Variants in NUP62CL observed in about 807,000 individuals in gnomAD.
NUP62CL encodes nucleoporin 62 C-terminal like.
NUP62CL carries 13 observed loss-of-function variants against 15.3 expected under a neutral mutation model. That is an observed-to-expected ratio of 0.85 (90% CI 0.55 to 1.35). NUP62CL has a LOEUF of 1.35. Ranked by LOEUF, NUP62CL falls within the 40% of genes most tolerant of loss-of-function variation. The pLI, the probability that NUP62CL is intolerant of heterozygous loss-of-function variation, is 0.00. For synonymous variants in NUP62CL, 54 were observed against 49.2 expected (o/e 1.10, Z -0.41); for missense variants, 123 against 130.6 (o/e 0.94, Z 0.28).
At chrX:107,189,897 G>GAA (rs1327773409) in intron 2 of NUP62CL, among the ~76,000 whole-genome samples, 5 of 95,274 alleles carry the variant, frequency 5.2e-5, no homozygotes, top group Non-Finnish European at 1.0e-4. Flanking sequence ...AAGAAAGAAA[G>GAA]AAAGAAAGAA....
chrX:107,136,743 A>G (rs1476524914), intron 8 of NUP62CL, among the ~76,000 whole-genome samples: 2 of 112,638 alleles, frequency 1.8e-5, no homozygotes, highest in African/African-American at 6.4e-5. Flanking sequence ...AATTTATTCC[A>G]CATATGTAAG....
At chrX:107,202,776 G>A (rs1927516844) in intron 1 of NUP62CL, 1 of 104,356 alleles carries the variant, frequency 9.6e-6, no homozygotes, top group South Asian at 4.5e-4. Flanking sequence ...CAAGTGGATT[G>A]CTTGAGCCCA....
chrX:107,134,539 C>T (rs756715852), intron 8 of NUP62CL, among the ~76,000 whole-genome samples: 14 of 111,374 alleles, frequency 1.3e-4, no homozygotes, highest in African/African-American at 4.2e-4. Flanking sequence ...CTGCAACCTC[C>T]GCCTCCTGGG....
At chrX:107,145,674 A>G (rs1423650164) in intron 8 of NUP62CL, among the ~76,000 whole-genome samples, 1 of 111,742 alleles carries the variant, frequency 8.9e-6, no homozygotes, top group Non-Finnish European at 1.9e-5. Context: ...ATTCCTTAAT[A>G]TCATTTAATA....
chrX:107,127,771 A>G (rs867339926), intron 8 of NUP62CL, among the ~76,000 whole-genome samples: 47 of 109,653 alleles, frequency 4.3e-4, no homozygotes, highest in African/African-American at 1.6e-3. Flanking sequence ...AAAAAAATTG[A>G]GGCAGTGAGA....
chrX:107,200,036 A>G (rs1406577962), intron 1 of NUP62CL, among the ~76,000 whole-genome samples: 1 of 111,980 alleles, frequency 8.9e-6, no homozygotes, highest in Non-Finnish European at 1.9e-5. Context: ...AAGTTAGCCC[A>G]GGCATTTTGA....
intron 8 of NUP62CL, among the ~76,000 whole-genome samples, chrX:107,141,091 G>T (rs1452321310): frequency 8.9e-6 from 1 of 112,418 alleles, no homozygotes; most frequent in African/African-American, 3.2e-5. Flanking sequence ...TACATAAGTA[G>T]GATTAGTGAG....
chrX:107,189,821 A>AGGAGG (rs1927166136), intron 2 of NUP62CL, among the ~76,000 whole-genome samples: 6 of 54,282 alleles, frequency 1.1e-4, no homozygotes, highest in African/African-American at 4.2e-4. Flanking sequence ...AAAGAAAGAA[A>AGGAGG]GAAGGAGGGA....
chrX:107,152,137 TATATATATATTCAG>T (rs1415135975), intron 7 of NUP62CL, among the ~76,000 whole-genome samples: 12 of 73,564 alleles, frequency 1.6e-4, no homozygotes, highest in African/African-American at 6.6e-4. Flanking sequence ...TATATTCAGA[TATATATATATTCAG>T]ATATATATAT....
chrX:107,174,103 CTCCCT>C (rs1926721377), intron 3 of NUP62CL, among the ~76,000 whole-genome samples: 1 of 75,010 alleles, frequency 1.3e-5, no homozygotes, highest in African/African-American at 4.9e-5. Flanking sequence ...TTCTCTCTCT[CTCCCT>C]CCCTCCCTCT....
chrX:107,176,688 T>G lies in NUP62CL; in HGVS notation c.-47-1495A>C, dbSNP rs766680657. On this transcript the variant is annotated intron_variant, in intron 2 of 8. Transcript: ENST00000372466. ...AACAGTGAATTTTAAGATATGTGAA[T>G]TATACCTCAATTATGCTATTATTAA... is the stretch of plus-strand genomic sequence containing the variant. Among the ~76,000 whole-genome samples the G allele has an allele frequency of 3.6e-5, 4 of 110,827 alleles. No individual in the cohort carries two copies. The East Asian group carries it at 1.1e-3, about 31-fold the overall frequency.
intron 2 of NUP62CL, among the ~76,000 whole-genome samples, chrX:107,191,905 C>T (rs1004424221): frequency 9.0e-6 from 1 of 111,612 alleles, no homozygotes; most frequent in African/African-American, 3.3e-5. Context: ...TGACCCATGA[C>T]AAAATGCTTT....
intron 4 of NUP62CL, among the ~76,000 whole-genome samples, chrX:107,156,778 G>C (rs765416210): frequency 7.4e-5 from 8 of 107,525 alleles, no homozygotes; most frequent in Admixed American, 2.0e-4. Flanking sequence ...AAGCTGGATG[G>C]AGAATGATTT....
In NUP62CL at chrX:107,166,416, C is replaced by G. The variant is rs757556568; in HGVS notation, c.194+1233G>C. ...ATAAAAAGTAGTGACAACACCAAAT[C>G]CTGGCAAGAATGCAGACAATCTGGA... On this transcript the variant is annotated intron_variant, in intron 4 of 8. Coordinates refer to ENST00000372466, the MANE Select transcript of NUP62CL (RefSeq NM_017681.3). 7.1e-5 allele frequency among the ~76,000 whole-genome samples: 8 copies of G among 111,925 alleles called. No homozygotes were observed. In the East Asian group the frequency reaches 2.2e-3, roughly 31 times the overall value.
chrX:107,192,467 C>T (rs183245202), intron 2 of NUP62CL, among the ~76,000 whole-genome samples: 5 of 111,741 alleles, frequency 4.5e-5, no homozygotes, highest in Non-Finnish European at 5.6e-5. Context: ...GCAGCCTCGA[C>T]CTCCCGGGCT....
chrX:107,163,113 T>G (rs2147804633), intron 4 of NUP62CL, among the ~76,000 whole-genome samples: 1 of 111,798 alleles, frequency 8.9e-6, no homozygotes, highest in East Asian at 2.8e-4. Context: ...AATATACTAT[T>G]CTACTTCTCG....
In NUP62CL at chrX:107,161,708, T is replaced by A. The variant is rs1298009655; in HGVS notation, c.194+5941A>T. Among the ~76,000 whole-genome samples, 5 of 89,712 alleles carry A rather than the reference T, an allele frequency of 5.6e-5. No homozygotes were observed. In the East Asian group the frequency reaches 1.8e-3, roughly 32 times the overall value. The allele number at this position is 89,712 out of a possible 115,157, so 77.9% of individuals were successfully genotyped here. A position where few individuals can be genotyped will look rare whatever the true frequency, so the allele number is the denominator to read the frequency against. ...AGTTAGTGGGTGCAGCGCACCAGCA[T>A]GGCACACGTATACATATGTAACTAA... On this transcript the variant is annotated intron_variant, in intron 4 of 8. Coordinates refer to ENST00000372466, the MANE Select transcript of NUP62CL (RefSeq NM_017681.3).
At chrX:107,169,080 G>A (rs1602653730) in intron 3 of NUP62CL, among the ~76,000 whole-genome samples, 1 of 112,137 alleles carries the variant, frequency 8.9e-6, no homozygotes, top group African/African-American at 3.2e-5. Context: ...GGATTAATAT[G>A]AGTCAGAATT....
Position 107,153,123 on chromosome X carries a change from A to C in NUP62CL, c.530+49T>G, listed in dbSNP as rs567327601. Reference sequence around the variant, plus strand: ...TCCCCTCTGTTCCTGGAATGCTCTCAGAATACGTAAGTCCTGCCCCATTCT... The same window carrying C: ...TCCCCTCTGTTCCTGGAATGCTCTCCGAATACGTAAGTCCTGCCCCATTCT... On this transcript the variant is annotated intron_variant, in intron 7 of 8. Coordinates refer to ENST00000372466, the MANE Select transcript of NUP62CL (RefSeq NM_017681.3). The C allele has an allele frequency of 4.7e-5, 52 of 1,108,727 alleles. No individual in the cohort carries two copies. In the South Asian group the frequency reaches 1.3e-3, roughly 27 times the overall value. The allele number at this position is 1,108,727 out of a possible 1,213,427, so 91.4% of individuals were successfully genotyped here.
Sources: allele counts gnomAD v4.1 joint callset (sites outside exome capture counted in the v4.1 genomes callset), GRCh38; gene constraint gnomAD v4.1.1; transcripts MANE v1.5; gene names NCBI Gene and HGNC (gene_info 2026-07-23, HGNC 2026-07-21).